Variants in KLHL22 observed in about 807,000 individuals in gnomAD.
KLHL22 encodes the protein kelch like family member 22.
In KLHL22, 18 loss-of-function variants were observed where a neutral mutation model predicts 60.7. The ratio of observed to expected loss-of-function variants is 0.30; its 90% confidence interval spans 0.20 to 0.44. KLHL22 has a LOEUF of 0.44. Among genes scored for constraint, KLHL22 ranks in the 20% least tolerant of loss-of-function variants. The pLI is 1.00. For missense variants in KLHL22, 596 were observed against 852.3 expected, an observed-to-expected ratio of 0.70 and a Z score of 3.74; for synonymous variants, 355 against 354.5, an observed-to-expected ratio of 1.00 and a Z score of -0.01.
chr22:20,450,672 C>G (rs549086974), intron 5 of KLHL22: 21 of 1,529,546 alleles, frequency 1.4e-5, no homozygotes, highest in Non-Finnish European at 1.8e-5. Flanking sequence ...TAATCAAGTG[C>G]GATGAAATTC....
In KLHL22 at chr22:20,478,979, A is replaced by C. The variant is rs565986363; in HGVS notation, c.228-7464T>G. ...CCCCGTCTCTAGTAAAAATACAAAA[A>C]TTAGCTGGGTGTGGTGGCAGGCGCC... is the stretch of plus-strand genomic sequence containing the variant. On this transcript the variant is annotated intron_variant, in intron 2 of 6. Coordinates refer to ENST00000328879, the MANE Select transcript of KLHL22 (RefSeq NM_032775.4). Among the ~76,000 whole-genome samples, 347 of 151,888 alleles carry C rather than the reference A, an allele frequency of 2.3e-3. 1 individual carries two copies. Among genetic ancestry groups the C allele is most frequent in the African/African-American group, 8.2e-3 (340 of 41,514 alleles).
At chr22:20,461,929 T>G (rs2053161132) in intron 4 of KLHL22, among the ~76,000 whole-genome samples, 1 of 151,922 alleles carries the variant, frequency 6.6e-6, no homozygotes, top group South Asian at 2.1e-4. Flanking sequence ...TGAAACCCTA[T>G]CTCTACTAAA....
chr22:20,490,702 C>G (rs1165957560), intron 1 of KLHL22, among the ~76,000 whole-genome samples: 1 of 152,218 alleles, frequency 6.6e-6, no homozygotes, highest in South Asian at 2.1e-4. Context: ...TAGCTAGATT[C>G]TCTTTCGGAG....
At chr22:20,482,992 C>G in intron 2 of KLHL22, 1 of 720,070 alleles carries the variant, frequency 1.4e-6, no homozygotes, top group South Asian at 1.5e-5. Flanking sequence ...TAGCCTCCAG[C>G]TTGACCTTAA....
At chr22:20,457,781 A>G in intron 5 of KLHL22, 27 bp downstream of exon 5, 1 of 1,540,036 alleles carries the variant, frequency 6.5e-7, no homozygotes, top group Non-Finnish European at 8.8e-7. Flanking sequence ...TAGGCAGGAG[A>G]AGGCCCCTCT....
At chr22:20,487,200 G>A (rs144900889) in intron 2 of KLHL22, among the ~76,000 whole-genome samples, 4,243 of 152,048 alleles carry the variant, frequency 0.028, 188 homozygotes, top group African/African-American at 0.097. Context: ...GATTACAGGC[G>A]TGAGCCACTA....
chr22:20,461,614 A>C (rs1342655554), intron 4 of KLHL22, among the ~76,000 whole-genome samples: 1 of 151,656 alleles, frequency 6.6e-6, no homozygotes, highest in Non-Finnish European at 1.5e-5. Flanking sequence ...CCATGACTTA[A>C]GTATTTTCAT....
chr22:20,494,074 G>GCC (rs35792870), intron 1 of KLHL22, among the ~76,000 whole-genome samples: 3,408 of 122,110 alleles, frequency 0.028, 111 homozygotes, highest in African/African-American at 0.063. Context: ...GCCAGACTTT[G>GCC]CCCCCCCCCC....
At position 20,441,603 on chromosome 22, in the gene KLHL22, C is replaced by G. The variant is rs1340327559; in HGVS notation, c.*470G>C. 5 of 178,352 alleles carry G rather than the reference C, an allele frequency of 2.8e-5. No individual in the cohort carries two copies. Among genetic ancestry groups the G allele is most frequent in the Admixed American group, 6.4e-5 (1 of 15,546 alleles). The allele number at this position is 178,352 out of a possible 1,614,324, so 11.0% of individuals were successfully genotyped here. A position where few individuals can be genotyped will look rare whatever the true frequency, so the allele number is the denominator to read the frequency against. On this transcript the variant is annotated 3_prime_UTR_variant, in exon 7 of 7. Transcript: ENST00000328879. ...AACCCAGCGGGAGGGGTCTTTTTAT[C>G]ACAGAGCCAGTCCCAGGCGAGCTGA...
chr22:20,446,566 A>C lies in KLHL22; in HGVS notation c.1416T>G (p.Thr472=). 6.2e-7 allele frequency: 1 copy of C among 1,613,970 alleles called. No homozygotes were observed. The highest frequency in any genetic ancestry group is 8.5e-7 in the Non-Finnish European group (1 of 1,180,006). ...ETHCYDPGSN[T]WHTLADGPVR... is the part of the protein sequence containing the mutation. ...CAGGCCCATCAGCCAGTGTGTGCCA[A>C]GTGTTGCTGCCTGGATCGTAGCAGT... The change falls in exon 6 of 7, where the codon ACT becomes ACG. Residue 472 remains threonine (T), a synonymous_variant. Transcript: ENST00000328879.
chr22:20,454,375 TA>T (rs1300117244), intron 5 of KLHL22, among the ~76,000 whole-genome samples: 2 of 151,974 alleles, frequency 1.3e-5, no homozygotes, highest in African/African-American at 4.8e-5. Flanking sequence ...ATTGTGCATG[TA>T]AAAGAAGAGT....
At chr22:20,469,379 G>A (rs2053279447) in intron 3 of KLHL22, among the ~76,000 whole-genome samples, 1 of 152,114 alleles carries the variant, frequency 6.6e-6, no homozygotes. Flanking sequence ...GACTGACAGG[G>A]GAGCTCCGGG....
intron 2 of KLHL22, among the ~76,000 whole-genome samples, chr22:20,486,882 T>C (rs1415164613): frequency 6.6e-6 from 1 of 151,488 alleles, no homozygotes; most frequent in Non-Finnish European, 1.5e-5. Flanking sequence ...GGTATTGCCA[T>C]GTGGGTCAGG....
chr22:20,495,288 C>T lies in KLHL22; in HGVS notation c.-34+472G>A, dbSNP rs2053751140. 6.6e-6 allele frequency among the ~76,000 whole-genome samples: 1 copy of T among 152,244 alleles called. No individual in the cohort carries two copies. The highest frequency in any genetic ancestry group is 2.4e-5 in the African/African-American group (1 of 41,464). ...GGCTCCTCTCAGGAAACCGGGAGAG[C>T]TGGCAAGGCTGGGCTCCTACGGCTG... On this transcript the variant is annotated intron_variant, in intron 1 of 6. Transcript: ENST00000328879. The surrounding 1 kb of genome is among the most constrained non-coding windows in gnomAD (Gnocchi z 4.6).
chr22:20,451,298 C>T, intron 5 of KLHL22: 1 of 1,607,608 alleles, frequency 6.2e-7, no homozygotes, highest in Non-Finnish European at 8.5e-7. Flanking sequence ...AGGCGTCACA[C>T]CAGTATGGAG....
chr22:20,487,845 G>A (rs2053611269), intron 2 of KLHL22, among the ~76,000 whole-genome samples: 1 of 152,154 alleles, frequency 6.6e-6, no homozygotes, highest in African/African-American at 2.4e-5. Context: ...CTGAGAGGGT[G>A]AGCCCAGGGG....
chr22:20,472,015 G>A (rs181190645), intron 2 of KLHL22, among the ~76,000 whole-genome samples: 28 of 152,346 alleles, frequency 1.8e-4, no homozygotes, highest in Admixed American at 1.2e-3. Context: ...GGGAGGCCAA[G>A]GCAGGCAAAT....
intron 2 of KLHL22, among the ~76,000 whole-genome samples, chr22:20,474,231 C>T (rs2053372825): frequency 6.6e-6 from 1 of 152,042 alleles, no homozygotes; most frequent in Non-Finnish European, 1.5e-5. Flanking sequence ...GATCTCCTGA[C>T]CTCGTGATCT....
intron 5 of KLHL22, 55 bp from the exon 6 acceptor site, chr22:20,446,731 G>C: frequency 7.0e-7 from 1 of 1,434,980 alleles, no homozygotes; most frequent in Non-Finnish European, 9.7e-7. Context: ...AAGGGTGGCT[G>C]GGTACTCTGT....
Sources: allele counts gnomAD v4.1 joint callset (sites outside exome capture counted in the v4.1 genomes callset), GRCh38; gene constraint gnomAD v4.1.1; non-coding constraint Gnocchi (gnomAD v3.1); transcripts MANE v1.5; gene names NCBI Gene and HGNC (gene_info 2026-07-23, HGNC 2026-07-21).